Variants in AGBL1 observed in about 807,000 individuals in gnomAD.
AGBL1 encodes the protein AGBL carboxypeptidase 1, also known as cytosolic carboxypeptidase 4.
In AGBL1, 130 loss-of-function variants were observed where a neutral mutation model predicts 118.9. The ratio of observed to expected loss-of-function variants is 1.09; its 90% CI spans 0.95 to 1.26. The LOEUF (loss-of-function observed/expected upper bound fraction) is 1.26. AGBL1 is among the 50% of genes most tolerant of loss of function. The pLI, the probability that AGBL1 is intolerant of heterozygous loss-of-function variation, is 0.00. For missense variants in AGBL1, 1,584 were observed against 1,298.1 expected, an observed-to-expected ratio of 1.22 and a Z score of -3.38; for synonymous variants, 555 against 478.9, an observed-to-expected ratio of 1.16 and a Z score of -2.08.
At chr15:86,565,641 A>G (rs1391815778) in intron 21 of AGBL1, among the ~76,000 whole-genome samples, 3 of 152,212 alleles carry the variant, frequency 2.0e-5, no homozygotes, top group African/African-American at 7.2e-5. Context: ...TAGGAGAACC[A>G]CTACTGTCTT....
chr15:86,493,766 C>T (rs957301100), intron 18 of AGBL1, among the ~76,000 whole-genome samples: 26 of 152,148 alleles, frequency 1.7e-4, no homozygotes, highest in African/African-American at 5.5e-4. Flanking sequence ...TAAACATCAT[C>T]GACTCCAGTG....
intron 23 of AGBL1, among the ~76,000 whole-genome samples, chr15:86,924,527 G>GCTCAGCAGGCATATTGTTTGTCCAGGTT (rs1376585333): frequency 2.0e-5 from 3 of 152,194 alleles, no homozygotes; most frequent in Non-Finnish European, 4.4e-5. Context: ...TGTGGAGGGT[G>GCTCAGCAGGCATATTGTTTGTCCAGGTT]CTCAGCAGGC....
intron 18 of AGBL1, among the ~76,000 whole-genome samples, chr15:86,417,140 A>G (rs2081706898): frequency 6.6e-6 from 1 of 152,232 alleles, no homozygotes; most frequent in Non-Finnish European, 1.5e-5. Flanking sequence ...GCATGTCTGT[A>G]GTGTGTGAAC....
At chr15:86,089,027 G>A (rs1170966164) in intron 1 of AGBL1, among the ~76,000 whole-genome samples, 1 of 152,180 alleles carries the variant, frequency 6.6e-6, no homozygotes, top group African/African-American at 2.4e-5. Context: ...AAATGAATGT[G>A]CATAGTATAT....
intron 22 of AGBL1, among the ~76,000 whole-genome samples, chr15:86,785,909 A>G (rs901168538): frequency 6.6e-6 from 1 of 152,156 alleles, no homozygotes; most frequent in African/African-American, 2.4e-5. Flanking sequence ...CTGGGACTAC[A>G]TCAGAGGCAG....
chr15:86,505,782 G>T (rs1015612520), intron 18 of AGBL1, among the ~76,000 whole-genome samples: 1 of 151,622 alleles, frequency 6.6e-6, no homozygotes, highest in South Asian at 2.1e-4. Context: ...GCTTCCACAA[G>T]GATAGTTTCT....
intron 22 of AGBL1, among the ~76,000 whole-genome samples, chr15:86,742,752 T>C (rs2077698058): frequency 6.6e-6 from 1 of 152,136 alleles, no homozygotes; most frequent in East Asian, 1.9e-4. Context: ...ATTCCTCTGA[T>C]AGAATCTGGG....
intron 1 of AGBL1, among the ~76,000 whole-genome samples, chr15:86,103,036 T>C (rs1435115643): frequency 6.6e-6 from 1 of 152,198 alleles, no homozygotes; most frequent in Non-Finnish European, 1.5e-5. Context: ...TGGGTTTTTT[T>C]CCAAAGACCT....
chr15:86,809,338 T>G (rs936689485), intron 22 of AGBL1, among the ~76,000 whole-genome samples: 6 of 152,172 alleles, frequency 3.9e-5, no homozygotes, highest in African/African-American at 1.2e-4. Flanking sequence ...CTTACTTTGA[T>G]GACTCCTTCT....
chr15:86,641,280 G>A (rs1009104798), intron 21 of AGBL1, among the ~76,000 whole-genome samples: 1 of 151,566 alleles, frequency 6.6e-6, no homozygotes, highest in African/African-American at 2.4e-5. Context: ...TATTTTTATT[G>A]TAAAATATTT....
rs145926798 is a variant in AGBL1, at chr15:86,890,941, G to A, written c.3159-16146G>A. Among the ~76,000 whole-genome samples, 10 of 152,130 alleles carry A rather than the reference G, an allele frequency of 6.6e-5. No individual in the cohort carries two copies. The East Asian group carries it at 1.5e-3, about 24-fold the overall frequency. ...TTCTGTGAAGATGTGAAGAATGTCA[G>A]TGGTAGTTTAATGGAAATAGCATTG... On this transcript the variant is annotated intron_variant, in intron 22 of 22. Transcript: ENST00000614907.
intron 18 of AGBL1, among the ~76,000 whole-genome samples, chr15:86,458,502 G>A (rs16977356): frequency 0.03 from 4,573 of 152,222 alleles, 109 homozygotes; most frequent in Middle Eastern, 0.085. Flanking sequence ...ACGGTAGTCA[G>A]TCTGTTACAT....
intron 21 of AGBL1, among the ~76,000 whole-genome samples, chr15:86,587,618 G>T (rs901585101): frequency 4.6e-5 from 7 of 152,186 alleles, no homozygotes; most frequent in Non-Finnish European, 2.9e-5. Context: ...GAAATGTTCA[G>T]TTGTCATTCA....
intron 23 of AGBL1, among the ~76,000 whole-genome samples, chr15:86,973,270 A>C (rs927132062): frequency 9.9e-5 from 15 of 152,080 alleles, no homozygotes; most frequent in African/African-American, 3.4e-4. Context: ...ACATGTGAAC[A>C]GTATCATCTT....
chr15:86,225,299 G>A (rs140017260), intron 6 of AGBL1, among the ~76,000 whole-genome samples: 2 of 152,132 alleles, frequency 1.3e-5, no homozygotes, highest in Admixed American at 1.3e-4. Context: ...CCTAAAGATT[G>A]TTGAAATAAA....
intron 22 of AGBL1, among the ~76,000 whole-genome samples, chr15:86,784,478 C>T (rs1567172566): frequency 6.6e-6 from 1 of 152,186 alleles, no homozygotes; most frequent in East Asian, 1.9e-4. Flanking sequence ...GTTATGAATG[C>T]AGAGACCCAG....
In AGBL1 at chr15:86,444,827, A is replaced by G. The variant is rs189210312; in HGVS notation, c.2555+47281A>G. 7.2e-3 allele frequency among the ~76,000 whole-genome samples: 1,096 copies of G among 152,194 alleles called. 10 individuals carry two copies. Among genetic ancestry groups the G allele is most frequent in the Middle Eastern group, 0.024 (7 of 294 alleles). On this transcript the variant is annotated intron_variant, in intron 18 of 22. Transcript: ENST00000614907. ...CACAGTCCCATGACAACCACATTCC[A>G]TCTTGGGAAAAAGGAAGGAGGGGAG...
intron 22 of AGBL1, among the ~76,000 whole-genome samples, chr15:86,703,196 A>C (rs1298059796): frequency 6.6e-6 from 1 of 152,184 alleles, no homozygotes; most frequent in African/African-American, 2.4e-5. Flanking sequence ...CAAGTGGAAT[A>C]GCATTTTTGT....
chr15:86,245,754 G>C (rs1033919797), intron 6 of AGBL1, among the ~76,000 whole-genome samples: 3 of 152,178 alleles, frequency 2.0e-5, no homozygotes, highest in Non-Finnish European at 4.4e-5. Context: ...CTAAATCCCT[G>C]CTGGGTGGGC....
Sources: gnomAD v4.1 joint callset for allele counts (sites outside exome capture counted in the v4.1 genomes callset) on GRCh38, gnomAD v4.1.1 for gene constraint, MANE v1.5 for transcripts, NCBI Gene and HGNC (gene_info 2026-07-23, HGNC 2026-07-21) for gene names.